Variants in PUM2 observed in about 807,000 individuals in gnomAD.
PUM2 encodes pumilio RNA binding family member 2, also known as pumilio homolog 2.
Under a neutral mutation model 124.5 loss-of-function variants are expected in PUM2, and 57 were observed. That is an observed-to-expected ratio of 0.46 (90% CI 0.37 to 0.57). The LOEUF is 0.57. Ranked by LOEUF, PUM2 falls within the 20% of genes least tolerant of loss-of-function variation. The probability of loss-of-function intolerance (pLI) is 0.00; values close to 1 mark genes in which losing one functional copy is unlikely to be tolerated. For missense variants in PUM2, 1,065 were observed against 1,290.6 expected (o/e 0.83, Z 2.68); for synonymous variants, 460 against 446.1 (o/e 1.03, Z -0.39).
intron 7 of PUM2, among the ~76,000 whole-genome samples, chr2:20,302,589 C>T (rs2148430682): frequency 6.6e-6 from 1 of 152,266 alleles, no homozygotes; most frequent in East Asian, 1.9e-4. Context: ...AGCATGCATG[C>T]ACACATGGAT....
Position 20,311,668 on chromosome 2 carries a change from G to A in PUM2, c.349-5C>T. Reference sequence around the variant, plus strand: ...TGTTTCAGCATCTCTAGTGCCCTGAGGAAAAAGAATCTGTTTGATTCTGAA... The same window carrying A: ...TGTTTCAGCATCTCTAGTGCCCTGAAGAAAAAGAATCTGTTTGATTCTGAA... On this transcript the variant is annotated splice_polypyrimidine_tract_variant and splice_region_variant and intron_variant, in intron 4 of 20. Transcript: ENST00000361078. 2 of 1,604,464 alleles carry A rather than the reference G, an allele frequency of 1.2e-6. No individual in the cohort carries two copies. Among genetic ancestry groups the A allele is most frequent in the Non-Finnish European group, 1.7e-6 (2 of 1,177,530 alleles).
At chr2:20,279,378 T>C (rs1427020951) in intron 12 of PUM2, among the ~76,000 whole-genome samples, 1 of 152,168 alleles carries the variant, frequency 6.6e-6, no homozygotes, top group African/African-American at 2.4e-5. Flanking sequence ...AGCAGCTAAC[T>C]CAACAGTATT....
intron 1 of PUM2, among the ~76,000 whole-genome samples, chr2:20,349,152 TAAGGA>T (rs1434774015): frequency 4.6e-5 from 7 of 152,178 alleles, no homozygotes; most frequent in Admixed American, 2.0e-4. Context: ...GGACTCAAAT[TAAGGA>T]AAGCATGTGT....
At chr2:20,320,124 G>A (rs190932350) in intron 2 of PUM2, among the ~76,000 whole-genome samples, 3 of 152,164 alleles carry the variant, frequency 2.0e-5, no homozygotes, top group African/African-American at 7.2e-5. Flanking sequence ...AAATTAGCCA[G>A]GCGTGGTTGC....
intron 9 of PUM2, among the ~76,000 whole-genome samples, chr2:20,291,440 GTACTTT>G (rs1674050347): frequency 6.6e-6 from 1 of 152,152 alleles, no homozygotes; most frequent in African/African-American, 2.4e-5. Flanking sequence ...CTCTATTCTG[GTACTTT>G]ATCCGACCGA....
At chr2:20,331,201 T>C (rs555993283) in intron 1 of PUM2, among the ~76,000 whole-genome samples, 1 of 151,060 alleles carries the variant, frequency 6.6e-6, no homozygotes, top group East Asian at 1.9e-4. Flanking sequence ...GAAATGGGAA[T>C]AGAAGGAACG....
chr2:20,314,273 T>C (rs1680356101), intron 3 of PUM2, among the ~76,000 whole-genome samples: 1 of 152,182 alleles, frequency 6.6e-6, no homozygotes, highest in Non-Finnish European at 1.5e-5. Context: ...TAATCACAAA[T>C]GAGTAAGTCC....
intron 13 of PUM2, among the ~76,000 whole-genome samples, chr2:20,269,129 A>C (rs908328448): frequency 2.0e-5 from 3 of 152,144 alleles, no homozygotes; most frequent in African/African-American, 4.8e-5. Flanking sequence ...TTAATCTCAC[A>C]TGCCATTCTT....
intron 1 of PUM2, among the ~76,000 whole-genome samples, chr2:20,345,920 A>T (rs1241701335): frequency 6.6e-6 from 1 of 152,236 alleles, no homozygotes; most frequent in Non-Finnish European, 1.5e-5. Flanking sequence ...ACACAATTTT[A>T]ATATTCAGAC....
chr2:20,253,956 C>CA lies in PUM2; in HGVS notation c.2928dup (p.Asp977Ter). 1 of 1,614,126 alleles carries CA rather than the reference C, an allele frequency of 6.2e-7. No homozygotes were observed. The highest frequency in any genetic ancestry group is 8.5e-7 in the Non-Finnish European group (1 of 1,179,998). The stretch of plus-strand genomic sequence containing the variant: ...CCATCATTCTGGCAGCAAACCTCGT[C>CA]AATCAGTAAAGCTCTCTCAGCACGG... On this transcript the variant is annotated frameshift_variant, in exon 20 of 21. Coordinates refer to ENST00000361078, the MANE Select transcript of PUM2 (RefSeq NM_015317.5). LOFTEE classifies it high-confidence loss of function.
In PUM2 at chr2:20,253,894, C is replaced by T. The variant is rs1359192031; in HGVS notation, c.2991G>A (p.Gln997=). ...HSALYTMMKD[Q]YANYVVQKMI... is the part of the protein sequence containing the mutation. The stretch of plus-strand genomic sequence containing the variant: ...TCTTTTGAACCACGTAATTGGCATA[C>T]TGGTCCTTCATCATGGTGTATAAGG... Residue 997 remains glutamine (Q), a synonymous_variant, in exon 20 of 21, where the codon CAG becomes CAA. Coordinates refer to ENST00000361078, the MANE Select transcript of PUM2 (RefSeq NM_015317.5). 6.2e-7 allele frequency: 1 copy of T among 1,614,024 alleles called. No individual in the cohort carries two copies. Among genetic ancestry groups the T allele is most frequent in the South Asian group, 1.1e-5 (1 of 91,080 alleles).
At chr2:20,330,516 T>C (rs1480343586) in intron 1 of PUM2, among the ~76,000 whole-genome samples, 1 of 152,178 alleles carries the variant, frequency 6.6e-6, no homozygotes, top group Non-Finnish European at 1.5e-5. Flanking sequence ...TCTGCAAAAT[T>C]CCAAAAGATC....
At chr2:20,292,296 G>GTTTT (rs76264694) in intron 9 of PUM2, among the ~76,000 whole-genome samples, 1 of 138,362 alleles carries the variant, frequency 7.2e-6, no homozygotes, top group Non-Finnish European at 1.6e-5. Context: ...ACAGTTGGTA[G>GTTTT]TTTTTTTTTT....
At chr2:20,325,333 C>T (rs893810406) in intron 2 of PUM2, among the ~76,000 whole-genome samples, 7 of 152,114 alleles carry the variant, frequency 4.6e-5, no homozygotes, top group African/African-American at 1.4e-4. Context: ...AGCAGGAAAC[C>T]GTGGTCACTT....
chr2:20,347,294 A>G (rs151051877), intron 1 of PUM2, among the ~76,000 whole-genome samples: 4 of 152,330 alleles, frequency 2.6e-5, no homozygotes, highest in Non-Finnish European at 4.4e-5. Flanking sequence ...AAGGTCAAAT[A>G]AAACTTTTAA....
chr2:20,276,522 T>C (rs1387220183), intron 13 of PUM2, among the ~76,000 whole-genome samples: 1 of 151,864 alleles, frequency 6.6e-6, no homozygotes, highest in Admixed American at 6.6e-5. Context: ...GTGAGCTCAG[T>C]AAAATTACTT....
At chr2:20,269,362 G>A (rs908297709) in intron 13 of PUM2, among the ~76,000 whole-genome samples, 16 of 151,916 alleles carry the variant, frequency 1.1e-4, no homozygotes, top group Admixed American at 1.3e-4. Flanking sequence ...CACCACGCCC[G>A]GCTAATTTTT....
At chr2:20,324,099 T>C (rs925406876) in intron 2 of PUM2, among the ~76,000 whole-genome samples, 7 of 152,172 alleles carry the variant, frequency 4.6e-5, no homozygotes, top group African/African-American at 1.7e-4. Flanking sequence ...TTGAAATGGC[T>C]GGTTTCCATT....
At chr2:20,283,578 A>G (rs1033089180) in intron 10 of PUM2, 92 bp from the exon 11 acceptor site, 4 of 1,277,820 alleles carry the variant, frequency 3.1e-6, no homozygotes, top group Non-Finnish European at 3.3e-6. Context: ...CAACTAGACA[A>G]CACAGCTATT....
Sources: allele counts gnomAD v4.1 joint callset (sites outside exome capture counted in the v4.1 genomes callset), GRCh38; gene constraint gnomAD v4.1.1; transcripts MANE v1.5; gene names NCBI Gene and HGNC (gene_info 2026-07-23, HGNC 2026-07-21).